Variants in MPPED2 observed in about 807,000 individuals in gnomAD.
The protein encoded by MPPED2 is metallophosphoesterase MPPED2.
MPPED2 carries 5 observed loss-of-function variants against 33.0 expected under a neutral mutation model. The ratio of observed to expected loss-of-function variants is 0.15; its 90% CI spans 0.08 to 0.32. The LOEUF (loss-of-function observed/expected upper bound fraction) is 0.32, where lower values mean the gene tolerates loss of function less well. MPPED2 is among the 10% of genes least tolerant of loss of function. MPPED2 has a pLI of 1.00. For synonymous variants in MPPED2, 136 were observed against 141.9 expected (o/e 0.96, Z 0.29); for missense variants, 275 against 372.1 (o/e 0.74, Z 2.15).
intron 5 of MPPED2, 91 bp from the exon 6 acceptor site, chr11:30,414,432 T>G (rs1240246380): frequency 1.2e-6 from 1 of 808,732 alleles, no homozygotes; most frequent in African/African-American, 1.7e-5. Flanking sequence ...CACAGAAGGT[T>G]TATTACATTA....
intron 4 of MPPED2, among the ~76,000 whole-genome samples, chr11:30,445,450 A>C (rs1401304375): frequency 6.6e-6 from 1 of 152,118 alleles, no homozygotes; most frequent in Admixed American, 6.5e-5. Flanking sequence ...CTTTTTTCTT[A>C]ATTATGGTAA....
At chr11:30,529,667 ATATAT>A (rs1157900059) in intron 3 of MPPED2, among the ~76,000 whole-genome samples, 1 of 152,232 alleles carries the variant, frequency 6.6e-6, no homozygotes, top group African/African-American at 2.4e-5. Context: ...CATGTATAAC[ATATAT>A]TATAAGAATA....
Position 30,411,046 on chromosome 11 carries a change from T to A in MPPED2, c.*422A>T. ...CCAAGAAAACAACAACAACAAAACA[T>A]TGAAAATTAAAATATTTCAAACAAT... is the stretch of plus-strand genomic sequence containing the variant. On this transcript the variant is annotated 3_prime_UTR_variant, in exon 7 of 7. Coordinates refer to ENST00000358117, the MANE Select transcript of MPPED2 (RefSeq NM_001584.3). The A allele has an allele frequency of 1.0e-6, 1 of 986,072 alleles. No individual in the cohort carries two copies. The highest frequency in any genetic ancestry group is 1.2e-6 in the Non-Finnish European group (1 of 830,084). 61.1% of individuals were successfully genotyped at this position (986,072 alleles called of 1,614,324 possible).
At chr11:30,518,980 T>C (rs1565147476) in intron 3 of MPPED2, among the ~76,000 whole-genome samples, 2 of 152,178 alleles carry the variant, frequency 1.3e-5, no homozygotes, top group Non-Finnish European at 2.9e-5. Flanking sequence ...TTGGAATTCA[T>C]ATATAAAATC....
downstream of MPPED2, chr11:30,410,063 C>A: frequency 1.0e-6 from 1 of 973,728 alleles, no homozygotes; most frequent in Non-Finnish European, 1.2e-6. Flanking sequence ...TATCTGCCAG[C>A]CTGTGAATGG....
intron 3 of MPPED2, among the ~76,000 whole-genome samples, chr11:30,534,506 A>AT (rs1233278172): frequency 6.6e-6 from 1 of 152,228 alleles, no homozygotes; most frequent in Non-Finnish European, 1.5e-5. Context: ...TATTTAAAAT[A>AT]TCTTGCCATT....
chr11:30,488,375 T>C (rs1951831513), intron 4 of MPPED2, among the ~76,000 whole-genome samples: 1 of 152,226 alleles, frequency 6.6e-6, no homozygotes, highest in East Asian at 1.9e-4. Context: ...CAACGGTTGC[T>C]ATGAAGCATA....
chr11:30,528,870 A>C (rs1394139513), intron 3 of MPPED2, among the ~76,000 whole-genome samples: 1 of 152,214 alleles, frequency 6.6e-6, no homozygotes, highest in Non-Finnish European at 1.5e-5. Context: ...GAGAAATTGC[A>C]ATCTTTATGA....
In MPPED2 at chr11:30,536,160, T is replaced by C. The variant is rs1358322542; in HGVS notation, c.144A>G (p.Pro48=). Residue 48 remains proline, a synonymous_variant, in exon 3 of 7, where the codon CCA becomes CCG. Transcript: ENST00000358117. The part of the protein sequence containing the change: ...PPHVHMVDPI[P]YDTPKPAGHT... Reference sequence around the variant, plus strand: ...GGCCCGCTGGTTTTGGAGTGTCATATGGGATGGGGTCGACCCTAAAGTAGA... The same window carrying C: ...GGCCCGCTGGTTTTGGAGTGTCATACGGGATGGGGTCGACCCTAAAGTAGA... The C allele has an allele frequency of 1.9e-6, 3 of 1,605,244 alleles. No homozygotes were observed. The highest frequency in any genetic ancestry group is 1.1e-5 in the South Asian group (1 of 89,522).
chr11:30,410,595 G>A lies in MPPED2; in HGVS notation c.*873C>T, dbSNP rs1948067918. The A allele has an allele frequency of 3.0e-6, 3 of 985,778 alleles. No individual in the cohort carries two copies. The African/African-American group carries it at 5.2e-5, about 17-fold the overall frequency. 61.1% of individuals were successfully genotyped at this position (985,778 alleles called of 1,614,324 possible). ...AGCTCTTTAAGACCTTGAGCTCTGA[G>A]AGAATGTGTCAGTTCCTTCCGACTT... is the stretch of plus-strand genomic sequence containing the variant. On this transcript the variant is annotated 3_prime_UTR_variant, in exon 7 of 7. Transcript: ENST00000358117.
At chr11:30,456,819 C>T (rs1950300412) in intron 4 of MPPED2, among the ~76,000 whole-genome samples, 1 of 152,100 alleles carries the variant, frequency 6.6e-6, no homozygotes, top group African/African-American at 2.4e-5. Context: ...TTTACACTAG[C>T]ACTGTCTTTC....
At chr11:30,416,423 C>A (rs1369566904) in intron 5 of MPPED2, among the ~76,000 whole-genome samples, 1 of 152,136 alleles carries the variant, frequency 6.6e-6, no homozygotes, top group Non-Finnish European at 1.5e-5. Context: ...ATTAAACTTG[C>A]ATTAGGAAAT....
intron 4 of MPPED2, among the ~76,000 whole-genome samples, chr11:30,448,357 G>A (rs1565077328): frequency 6.6e-6 from 1 of 152,190 alleles, no homozygotes; most frequent in Non-Finnish European, 1.5e-5. Flanking sequence ...ACTTGAGCCT[G>A]CAGCAGGAGC....
chr11:30,403,974 A>G (rs1405411055), intron 6 of MPPED2, among the ~76,000 whole-genome samples: 1 of 152,140 alleles, frequency 6.6e-6, no homozygotes, highest in African/African-American at 2.4e-5. Context: ...CTCATGAGGG[A>G]ATCTCATTGC....
chr11:30,471,185 C>T (rs1016803778), intron 4 of MPPED2, among the ~76,000 whole-genome samples: 10 of 152,146 alleles, frequency 6.6e-5, no homozygotes, highest in African/African-American at 2.2e-4. Flanking sequence ...TCCTGTTCAC[C>T]TCACGTGATG....
At chr11:30,437,094 GC>G (rs1412316012) in intron 4 of MPPED2, among the ~76,000 whole-genome samples, 1 of 152,164 alleles carries the variant, frequency 6.6e-6, no homozygotes, top group Non-Finnish European at 1.5e-5. Flanking sequence ...GATTTAAGTG[GC>G]CTCTATCAGG....
intron 4 of MPPED2, chr11:30,425,733 G>C (rs1408793858): frequency 6.6e-6 from 1 of 152,182 alleles, no homozygotes; most frequent in Non-Finnish European, 1.5e-5. Context: ...GGCTGGTCCT[G>C]CTCAGCCCTG....
chr11:30,554,017 A>G (rs1257530115), intron 2 of MPPED2, among the ~76,000 whole-genome samples: 1 of 152,210 alleles, frequency 6.6e-6, no homozygotes, highest in Non-Finnish European at 1.5e-5. Context: ...CCAAGAACTG[A>G]GAACAAAAAG....
intron 2 of MPPED2, among the ~76,000 whole-genome samples, chr11:30,541,793 T>G (rs1322684636): frequency 6.6e-6 from 1 of 152,194 alleles, no homozygotes; most frequent in Non-Finnish European, 1.5e-5. Flanking sequence ...GGTTTCACCA[T>G]GTTGGCCAGG....
Sources: allele counts gnomAD v4.1 joint callset (sites outside exome capture counted in the v4.1 genomes callset), GRCh38; gene constraint gnomAD v4.1.1; transcripts MANE v1.5; gene names NCBI Gene and HGNC (gene_info 2026-07-23, HGNC 2026-07-21).